The following EMID1 variants were observed in gnomAD, a reference collection of about 807,000 sequenced individuals.
EMID1 encodes EMI domain-containing protein 1.
In EMID1, 40 loss-of-function variants were observed where a neutral mutation model predicts 60.6. That is an observed-to-expected ratio of 0.66 (90% CI 0.51 to 0.86). EMID1 has a LOEUF of 0.86. EMID1 is among the 40% of genes least tolerant of loss of function. The pLI is 0.00. For missense variants in EMID1, 585 were observed against 597.1 expected, an observed-to-expected ratio of 0.98 and a Z score of 0.21; for synonymous variants, 242 against 231.0, an observed-to-expected ratio of 1.05 and a Z score of -0.43.
Position 29,239,299 on chromosome 22 carries a change from A to T in EMID1, c.1075-4146A>T, listed in dbSNP as rs569461698. On this transcript the variant is annotated intron_variant, in intron 12 of 14. Coordinates refer to ENST00000334018, the MANE Select transcript of EMID1 (RefSeq NM_133455.4). The stretch of plus-strand genomic sequence containing the variant: ...ATATCTTTTTTTTCTTTTAAAAAAA[A>T]TTTTTTTTTAATGTAGAGGCAGGGT... Among the ~76,000 whole-genome samples, 28 of 132,532 alleles carry T rather than the reference A, an allele frequency of 2.1e-4. 4 individuals carry two copies. Among genetic ancestry groups the T allele is most frequent in the African/African-American group, 5.1e-4 (16 of 31,296 alleles). 86.9% of individuals were successfully genotyped at this position (132,532 alleles called of 152,430 possible).
intron 7 of EMID1, chr22:29,232,025 T>A: frequency 1.7e-6 from 1 of 596,434 alleles, no homozygotes. Flanking sequence ...AGGGTTTCTA[T>A]GAGGGGTTTT....
intron 13 of EMID1, among the ~76,000 whole-genome samples, chr22:29,245,359 T>C (rs1317738669): frequency 1.3e-5 from 2 of 152,148 alleles, no homozygotes; most frequent in African/African-American, 4.8e-5. Flanking sequence ...TGGGAGAGAT[T>C]GGGCAGTCCT....
At chr22:29,248,073 C>G (rs1050852652) in intron 13 of EMID1, among the ~76,000 whole-genome samples, 1 of 151,518 alleles carries the variant, frequency 6.6e-6, no homozygotes, top group Non-Finnish European at 1.5e-5. Flanking sequence ...TTGCCTCAGC[C>G]TCCCAAGTAG....
intron 3 of EMID1, 29 bp from the exon 4 acceptor site, chr22:29,225,104 C>T: frequency 6.2e-7 from 1 of 1,611,580 alleles, no homozygotes; most frequent in Non-Finnish European, 8.5e-7. Flanking sequence ...GATCACATGC[C>T]AGCAGGGCTC....
At chr22:29,241,427 C>A (rs892093388) in intron 12 of EMID1, among the ~76,000 whole-genome samples, 4 of 152,172 alleles carry the variant, frequency 2.6e-5, no homozygotes, top group African/African-American at 7.2e-5. Flanking sequence ...TCGCCCTTGT[C>A]CCCTAGGCTG....
rs1424424940 is a variant in EMID1 at position 29,226,440 on chromosome 22, G to A, written c.404-50G>A. The A allele has an allele frequency of 1.9e-6, 3 of 1,594,466 alleles. No individual in the cohort carries two copies. The African/African-American group carries it at 4.0e-5, about 21-fold the overall frequency. ...CCCCCAGAGACTGAAGGGTTCTGAG[G>A]GGAAGCCTAGGACCCTTGGCCCTGG... On this transcript the variant is annotated intron_variant, in intron 4 of 14. Coordinates refer to ENST00000334018, the MANE Select transcript of EMID1 (RefSeq NM_133455.4).
intron 4 of EMID1, 105 bp from the exon 5 acceptor site, chr22:29,226,385 T>C: frequency 7.7e-7 from 1 of 1,306,362 alleles, no homozygotes; most frequent in Non-Finnish European, 1.1e-6. Context: ...GTTGGGGTCA[T>C]CAGGTATCTG....
intron 3 of EMID1, among the ~76,000 whole-genome samples, chr22:29,217,462 G>C (rs9620872): frequency 6.6e-6 from 1 of 152,228 alleles, no homozygotes; most frequent in Admixed American, 6.5e-5. Context: ...GGGACTTCCC[G>C]TGCTTGTGCA....
At chr22:29,216,945 G>A (rs55676901) in intron 3 of EMID1, among the ~76,000 whole-genome samples, 6,093 of 152,346 alleles carry the variant, frequency 0.04, 136 homozygotes, top group East Asian at 0.1. Context: ...GTGGACAGAC[G>A]TTTGAAGGGG....
chr22:29,223,103 A>G (rs2040362025), intron 3 of EMID1, among the ~76,000 whole-genome samples: 1 of 152,190 alleles, frequency 6.6e-6, no homozygotes, highest in Non-Finnish European at 1.5e-5. Context: ...AAAAAAAAGA[A>G]GTTTTATACA....
chr22:29,210,610 A>G (rs1470564300), intron 1 of EMID1, among the ~76,000 whole-genome samples: 2 of 152,136 alleles, frequency 1.3e-5, no homozygotes, highest in African/African-American at 4.8e-5. Context: ...ATAGCTCATT[A>G]CAGCCTCAAA....
intron 13 of EMID1, among the ~76,000 whole-genome samples, chr22:29,251,751 G>A (rs1287875993): frequency 1.3e-5 from 2 of 151,834 alleles, no homozygotes; most frequent in Non-Finnish European, 2.9e-5. Flanking sequence ...TGCAACCTCT[G>A]CCTCCTGGGT....
intron 1 of EMID1, among the ~76,000 whole-genome samples, chr22:29,210,331 G>A (rs924346593): frequency 6.8e-6 from 1 of 146,742 alleles, no homozygotes; most frequent in African/African-American, 2.5e-5. Context: ...TTGGCTCACC[G>A]CAATCTCTGC....
chr22:29,208,189 G>A (rs1372034027), intron 1 of EMID1, among the ~76,000 whole-genome samples: 1 of 152,184 alleles, frequency 6.6e-6, no homozygotes, highest in Non-Finnish European at 1.5e-5. Context: ...CAGCATGGGG[G>A]TGTCATGCCC....
At chr22:29,257,916 T>C (rs1201041415) in intron 14 of EMID1, among the ~76,000 whole-genome samples, 3 of 152,198 alleles carry the variant, frequency 2.0e-5, no homozygotes, top group Admixed American at 2.0e-4. Context: ...TCCCTTTCAG[T>C]GACCACACAT....
At chr22:29,213,057 A>G (rs1006889443) in intron 1 of EMID1, among the ~76,000 whole-genome samples, 2 of 152,168 alleles carry the variant, frequency 1.3e-5, no homozygotes, top group Non-Finnish European at 2.9e-5. Flanking sequence ...CTCACTTTAT[A>G]TGCACATATC....
chr22:29,232,635 C>T (rs774531707), intron 8 of EMID1: 70 of 490,692 alleles, frequency 1.4e-4, no homozygotes, highest in Non-Finnish European at 2.0e-4. Flanking sequence ...CGTAGGGGAA[C>T]GGCTTCAAAC....
intron 13 of EMID1, among the ~76,000 whole-genome samples, chr22:29,246,123 C>T (rs1371567607): frequency 2.0e-5 from 3 of 152,220 alleles, no homozygotes; most frequent in East Asian, 1.9e-4. Context: ...TAACCAGGCA[C>T]GGAGTGTCCA....
At position 29,222,656 on chromosome 22, in the gene EMID1, G is replaced by A. The variant is rs147386001; in HGVS notation, c.320-2477G>A. Reference sequence around the variant, plus strand: ...TGACCTCAGGTGATCCACCCTCCTCGGCTTCCCAAAGTGCTGGGATTACAG... The same window carrying A: ...TGACCTCAGGTGATCCACCCTCCTCAGCTTCCCAAAGTGCTGGGATTACAG... On this transcript the variant is annotated intron_variant, in intron 3 of 14. Transcript: ENST00000334018. Among the ~76,000 whole-genome samples, 287 of 146,794 alleles carry A rather than the reference G, an allele frequency of 2.0e-3. 7 individuals carry two copies. In the East Asian group the frequency reaches 0.055, roughly 28 times the overall value.
Sources: allele counts gnomAD v4.1 joint callset (sites outside exome capture counted in the v4.1 genomes callset), GRCh38; gene constraint gnomAD v4.1.1; transcripts MANE v1.5; gene names NCBI Gene and HGNC (gene_info 2026-07-23, HGNC 2026-07-21).